Variants in CADPS observed in about 807,000 individuals in gnomAD.
CADPS encodes calcium dependent secretion activator.
CADPS carries 57 observed loss-of-function variants against 167.3 expected under a neutral mutation model. That is an observed-to-expected ratio of 0.34 (90% CI 0.28 to 0.42). CADPS has a LOEUF of 0.42. CADPS is among the 20% of genes least tolerant of loss of function. The pLI, the probability that CADPS is intolerant of heterozygous loss-of-function variation, is 1.00. For synonymous variants in CADPS, 676 were observed against 635.3 expected (o/e 1.06, Z -0.96); for missense variants, 1,414 against 1,738.1 (o/e 0.81, Z 3.32).
intron 1 of CADPS, among the ~76,000 whole-genome samples, chr3:62,794,850 A>G (rs1436340920): frequency 6.6e-6 from 1 of 151,640 alleles, no homozygotes; most frequent in Non-Finnish European, 1.5e-5. Context: ...TAGTCTAGGT[A>G]AAGAATTTTT....
chr3:62,423,364 C>T (rs76697779), intron 28 of CADPS, among the ~76,000 whole-genome samples: 18 of 152,312 alleles, frequency 1.2e-4, no homozygotes, highest in African/African-American at 4.1e-4. Flanking sequence ...TAATAAGCCA[C>T]GTTCTAGCTA....
At chr3:62,440,455 G>A (rs1035564542) in intron 27 of CADPS, 4 of 149,624 alleles carry the variant, frequency 2.7e-5, no homozygotes, top group Middle Eastern at 3.2e-3. Context: ...AAAATGTTTT[G>A]AAAGCCATAT....
chr3:62,478,561 G>C lies in CADPS; in HGVS notation c.3174-145C>G. 1 of 708,396 alleles carries C rather than the reference G, an allele frequency of 1.4e-6. No individual in the cohort carries two copies. The highest frequency in any genetic ancestry group is 2.3e-6 in the Non-Finnish European group (1 of 431,028). The allele number at this position is 708,396 out of a possible 1,614,324, so 43.9% of individuals were successfully genotyped here. ...GTGTTGGCGGTGGAGGCGGGGGCGA[G>C]TCTCCACCGGCAGATTTTGAGTTTT... is the stretch of plus-strand genomic sequence containing the variant. On this transcript the variant is annotated intron_variant, in intron 22 of 29. Coordinates refer to ENST00000383710, the MANE Select transcript of CADPS (RefSeq NM_003716.4). The surrounding 1 kb of genome is among the most constrained non-coding windows in gnomAD (Gnocchi z 5.7).
chr3:62,607,014 C>T (rs577862641), intron 6 of CADPS, among the ~76,000 whole-genome samples: 9 of 152,304 alleles, frequency 5.9e-5, no homozygotes, highest in East Asian at 3.9e-4. Flanking sequence ...CACTGAGTTT[C>T]GGGGTGGTTT....
At chr3:62,576,878 G>A (rs958855742) in intron 8 of CADPS, among the ~76,000 whole-genome samples, 1 of 148,304 alleles carries the variant, frequency 6.7e-6, no homozygotes, top group South Asian at 2.2e-4. Context: ...GGAAAGTGAG[G>A]TACACATGTC....
At chr3:62,788,864 C>A (rs2092694623) in intron 1 of CADPS, among the ~76,000 whole-genome samples, 1 of 152,118 alleles carries the variant, frequency 6.6e-6, no homozygotes, top group Non-Finnish European at 1.5e-5. Context: ...CTCCACTGAA[C>A]TTTAAATTTG....
At chr3:62,555,925 T>A (rs1469858042) in intron 10 of CADPS, among the ~76,000 whole-genome samples, 2 of 152,108 alleles carry the variant, frequency 1.3e-5, no homozygotes, top group African/African-American at 2.4e-5. Context: ...GGTTATTTTT[T>A]AATTTTTTTG....
At chr3:62,594,598 C>T (rs1263400953) in intron 6 of CADPS, among the ~76,000 whole-genome samples, 1 of 152,118 alleles carries the variant, frequency 6.6e-6, no homozygotes, top group East Asian at 1.9e-4. Context: ...GGGTCTGACT[C>T]TGTTGTCCAA....
chr3:62,740,934 C>A (rs370990917), intron 3 of CADPS, among the ~76,000 whole-genome samples: 13 of 152,166 alleles, frequency 8.5e-5, no homozygotes, highest in African/African-American at 2.9e-4. Context: ...TACATATTGA[C>A]TTTTTAACAG....
At chr3:62,834,334 T>C (rs1420586718) in intron 1 of CADPS, among the ~76,000 whole-genome samples, 2 of 152,176 alleles carry the variant, frequency 1.3e-5, no homozygotes, top group Non-Finnish European at 2.9e-5. Context: ...ATCCCTAGAA[T>C]GACTGACCTT....
chr3:62,821,887 C>T (rs1229787956), intron 1 of CADPS, among the ~76,000 whole-genome samples: 1 of 152,130 alleles, frequency 6.6e-6, no homozygotes, highest in African/African-American at 2.4e-5. Flanking sequence ...AATTCATTCC[C>T]AAACTCAGTT....
At chr3:62,456,701 G>A (rs2058718680) in intron 26 of CADPS, among the ~76,000 whole-genome samples, 1 of 150,814 alleles carries the variant, frequency 6.6e-6, no homozygotes. Context: ...ATACTCAGTG[G>A]TATGCTGGTT....
At position 62,474,170 on chromosome 3, in the gene CADPS, T is replaced by TTTTTTTTTTA; in HGVS notation, c.3477+2_3477+3insTAAAAAAAAA. On this transcript the variant is annotated splice_region_variant and intron_variant, in intron 24 of 29. Transcript: ENST00000383710. ...AAATCTGTATTTTTTTTTTTTTTTT[T>TTTTTTTTTTA]ACCTCTTGGCCCATTTCCATGCTGC... is the stretch of plus-strand genomic sequence containing the variant. 1 of 1,475,394 alleles carries TTTTTTTTTTA rather than the reference T, an allele frequency of 6.8e-7. No homozygotes were observed. The highest frequency in any genetic ancestry group is 9.0e-7 in the Non-Finnish European group (1 of 1,105,882). The allele number at this position is 1,475,394 out of a possible 1,614,324, so 91.4% of individuals were successfully genotyped here.
intron 6 of CADPS, among the ~76,000 whole-genome samples, chr3:62,603,005 C>T (rs2060190656): frequency 6.6e-6 from 1 of 152,104 alleles, no homozygotes; most frequent in South Asian, 2.1e-4. Context: ...TTGGAAGTAC[C>T]AGGAAGCAGG....
At chr3:62,794,615 G>A (rs2093237811) in intron 1 of CADPS, among the ~76,000 whole-genome samples, 1 of 151,944 alleles carries the variant, frequency 6.6e-6, no homozygotes, top group African/African-American at 2.4e-5. Context: ...AGCTATTCTT[G>A]TTATTGTATT....
At chr3:62,589,684 G>A (rs2085481561) in intron 7 of CADPS, among the ~76,000 whole-genome samples, 3 of 152,196 alleles carry the variant, frequency 2.0e-5, no homozygotes, top group Admixed American at 6.5e-5. Context: ...TGGGACAGTG[G>A]CCTGGCCCAT....
chr3:62,412,334 C>G lies in CADPS; in HGVS notation c.3778-9149G>C, dbSNP rs943424842. 6.6e-6 allele frequency among the ~76,000 whole-genome samples: 1 copy of G among 151,970 alleles called. No homozygotes were observed. Among genetic ancestry groups the G allele is most frequent in the Non-Finnish European group, 1.5e-5 (1 of 67,992 alleles). ...AACGTGCTACAACCAGTTTCAGAGACTATGGCTTTCTATAACCTGCTGCTG... is the reference window on the plus strand; with the variant it reads ...AACGTGCTACAACCAGTTTCAGAGAGTATGGCTTTCTATAACCTGCTGCTG... On this transcript the variant is annotated intron_variant, in intron 28 of 29. Transcript: ENST00000383710. This position sits in a 1 kb window ranked among gnomAD's most constrained non-coding sequence, Gnocchi z 4.1.
intron 1 of CADPS, among the ~76,000 whole-genome samples, chr3:62,801,339 T>G (rs2093750642): frequency 6.6e-6 from 1 of 152,074 alleles, no homozygotes; most frequent in Non-Finnish European, 1.5e-5. Context: ...TCTGAAAGAT[T>G]AAAAAAAGAA....
intron 26 of CADPS, among the ~76,000 whole-genome samples, chr3:62,452,285 CT>C (rs1383858881): frequency 6.6e-6 from 1 of 152,124 alleles, no homozygotes; most frequent in Non-Finnish European, 1.5e-5. Context: ...GTGAATTGCA[CT>C]TGTATATTAA....
Sources: allele counts gnomAD v4.1 joint callset (sites outside exome capture counted in the v4.1 genomes callset), GRCh38; gene constraint gnomAD v4.1.1; non-coding constraint Gnocchi (gnomAD v3.1); transcripts MANE v1.5; gene names NCBI Gene and HGNC (gene_info 2026-07-23, HGNC 2026-07-21).